DMD: variants seen among roughly 807,000 people sequenced by gnomAD.
The protein encoded by DMD is mutant dystrophin.
A neutral mutation model predicts 330.1 loss-of-function variants in DMD; 63 were observed. The ratio of observed to expected loss-of-function variants is 0.19; its 90% CI spans 0.16 to 0.24. The LOEUF (loss-of-function observed/expected upper bound fraction) is 0.24. DMD is among the 10% of genes least tolerant of loss of function. DMD has a pLI of 1.00. For synonymous variants in DMD, 1,223 were observed against 959.8 expected, an observed-to-expected ratio of 1.27 and a Z score of -5.07; for missense variants, 3,344 against 2,684.1, an observed-to-expected ratio of 1.25 and a Z score of -5.43.
At chrX:32,420,002 C>A (rs1395582461) in intron 29 of DMD, among the ~76,000 whole-genome samples, 2 of 111,583 alleles carry the variant, frequency 1.8e-5, no homozygotes, top group East Asian at 5.6e-4. Context: ...CTGACAGGAG[C>A]AAACTGATGC....
chrX:32,598,465 A>T (rs1323694203), intron 12 of DMD, among the ~76,000 whole-genome samples: 1 of 112,075 alleles, frequency 8.9e-6, no homozygotes, highest in South Asian at 3.7e-4. Context: ...CCAGTGTATC[A>T]TAAGTTGGTT....
rs183636882 is a variant in DMD, at chrX:32,482,177, C to T, written c.2803+2742G>A. Among the ~76,000 whole-genome samples, 605 of 111,235 alleles carry T rather than the reference C, an allele frequency of 5.4e-3. 9 individuals carry two copies. The highest frequency in any genetic ancestry group is 0.018 in the African/African-American group (538 of 30,733). ...TTAAGAAATAAGGTTTCATTTTTTT[C>T]TTTGTTGAAACAATTATCTACAACA... On this transcript the variant is annotated intron_variant, in intron 21 of 78. Coordinates refer to ENST00000357033, the MANE Select transcript of DMD (RefSeq NM_004006.3).
At chrX:31,674,729 A>C (rs1418155728) in intron 53 of DMD, among the ~76,000 whole-genome samples, 1 of 112,819 alleles carries the variant, frequency 8.9e-6, no homozygotes, top group Non-Finnish European at 1.9e-5. Flanking sequence ...TGGAAAAGAA[A>C]GTTTAAAACG....
chrX:32,593,058 C>A (rs1228852727), intron 13 of DMD, among the ~76,000 whole-genome samples: 1 of 112,802 alleles, frequency 8.9e-6, no homozygotes, highest in East Asian at 2.8e-4. Context: ...TTGCCCTTGG[C>A]AGGCATGGGG....
At chrX:31,384,569 C>A in intron 60 of DMD, among the ~76,000 whole-genome samples, 1 of 111,732 alleles carries the variant, frequency 8.9e-6, no homozygotes, top group Non-Finnish European at 1.9e-5. Context: ...TGAAACAAGT[C>A]TAAATTGTGC....
In DMD at chrX:32,717,050, A is replaced by G. The variant is rs146704021; in HGVS notation, c.650-17757T>C. Among the ~76,000 whole-genome samples the G allele has an allele frequency of 3.4e-3, 376 of 111,206 alleles. 3 individuals carry two copies. The highest frequency in any genetic ancestry group is 0.032 in the Middle Eastern group (7 of 217). On this transcript the variant is annotated intron_variant, in intron 7 of 78. Transcript: ENST00000357033. ...AGGGAAGCAGAGCATAAAAGTTTAG[A>G]AAATTTGCAGCCTGACCATGTGGTA...
At chrX:31,264,085 C>CT (rs778331829) in intron 62 of DMD, among the ~76,000 whole-genome samples, 1 of 112,292 alleles carries the variant, frequency 8.9e-6, no homozygotes, top group South Asian at 3.7e-4. Flanking sequence ...TAACTCATAT[C>CT]TATCTTGTAC....
intron 47 of DMD, among the ~76,000 whole-genome samples, chrX:31,912,689 G>T (rs2094561807): frequency 9.0e-6 from 1 of 111,364 alleles, no homozygotes; most frequent in Admixed American, 9.5e-5. Flanking sequence ...CATTTTTGTA[G>T]GGCCATTTTT....
Position 32,491,396 on chromosome X carries a change from A to G in DMD, c.2503T>C (p.Phe835Leu), listed in dbSNP as rs774020237. The G allele has an allele frequency of 6.6e-6, 8 of 1,211,692 alleles. No homozygotes were observed. The South Asian group carries it at 1.4e-4, about 21-fold the overall frequency. ...WLEYQNNIIAFYNQLQQLEQM... is the reference protein window; with the variant it reads ...WLEYQNNIIALYNQLQQLEQM... ...TCCAATTGTTGTAGCTGATTATAGA[A>G]AGCGATGATGTTGTTCTGATACTCC... The change falls in exon 20 of 79, where the codon TTC becomes CTC. Residue 835 changes from phenylalanine to leucine, a missense_variant. Phe to Leu is a conservative substitution (Grantham distance 22). Coordinates refer to ENST00000357033, the MANE Select transcript of DMD (RefSeq NM_004006.3).
At chrX:31,203,473 CAG>C (rs767393619) in intron 67 of DMD, among the ~76,000 whole-genome samples, 1 of 109,450 alleles carries the variant, frequency 9.1e-6, no homozygotes, top group South Asian at 4.1e-4. Flanking sequence ...TGGACATTAG[CAG>C]AGAGTATACA....
intron 1 of DMD, among the ~76,000 whole-genome samples, chrX:33,045,867 C>T (rs910353013): frequency 9.0e-6 from 1 of 111,337 alleles, no homozygotes; most frequent in Non-Finnish European, 1.9e-5. Flanking sequence ...TAACATGTGT[C>T]GGTGCTTGAG....
intron 60 of DMD, among the ~76,000 whole-genome samples, chrX:31,410,388 T>C (rs190565609): frequency 9.0e-6 from 1 of 111,652 alleles, no homozygotes; most frequent in African/African-American, 3.3e-5. Context: ...ATTTAAGGAG[T>C]TGTTCATTAT....
At chrX:31,606,085 G>A (rs139845663) in intron 55 of DMD, among the ~76,000 whole-genome samples, 33 of 111,075 alleles carry the variant, frequency 3.0e-4, no homozygotes, top group African/African-American at 9.2e-4. Flanking sequence ...CTGTTCTCAT[G>A]ATAGCGGGAT....
intron 1 of DMD, among the ~76,000 whole-genome samples, chrX:33,307,662 C>T (rs1470302656): frequency 9.0e-6 from 1 of 111,431 alleles, no homozygotes; most frequent in African/African-American, 3.3e-5. Context: ...GCACTCCGGC[C>T]TGGGTGACAG....
intron 1 of DMD, among the ~76,000 whole-genome samples, chrX:33,248,105 G>A (rs1207994188): frequency 9.0e-6 from 1 of 110,871 alleles, no homozygotes; most frequent in Non-Finnish European, 1.9e-5. Context: ...GCGGTGGCGC[G>A]ATCTCAGCTC....
intron 45 of DMD, among the ~76,000 whole-genome samples, chrX:31,948,821 A>T (rs961264677): frequency 8.9e-6 from 1 of 111,942 alleles, no homozygotes; most frequent in Non-Finnish European, 1.9e-5. Context: ...CTATTGGATT[A>T]TCTTGTCACC....
chrX:31,844,249 G>A (rs890319346), intron 48 of DMD, among the ~76,000 whole-genome samples: 2 of 110,210 alleles, frequency 1.8e-5, no homozygotes, highest in Admixed American at 9.7e-5. Context: ...CTCTGGATAC[G>A]GTTAGCCAGC....
intron 44 of DMD, among the ~76,000 whole-genome samples, chrX:32,010,469 C>A (rs1047522337): frequency 1.8e-5 from 2 of 111,544 alleles, no homozygotes; most frequent in African/African-American, 3.3e-5. Context: ...CATTTACCAG[C>A]AAACCACTGT....
rs772860185 is a variant in DMD at position 31,885,508 on chromosome X, G to T, written c.6913-10135C>A. Reference sequence around the variant, plus strand: ...ACCTGTAGTCCCAGCTACTCTGGAGGCTGAGGCAGGAGAATGGTGTGAACT... The same window carrying T: ...ACCTGTAGTCCCAGCTACTCTGGAGTCTGAGGCAGGAGAATGGTGTGAACT... On this transcript the variant is annotated intron_variant, in intron 47 of 78. Coordinates refer to ENST00000357033, the MANE Select transcript of DMD (RefSeq NM_004006.3). 4.7e-3 allele frequency among the ~76,000 whole-genome samples: 511 copies of T among 108,147 alleles called. 7 individuals carry two copies. The highest frequency in any genetic ancestry group is 0.016 in the African/African-American group (459 of 29,608). The allele number at this position is 108,147 out of a possible 115,157, so 93.9% of individuals were successfully genotyped here. A position where few individuals can be genotyped will look rare whatever the true frequency, so the allele number is the denominator to read the frequency against.
Sources: allele counts gnomAD v4.1 joint callset (sites outside exome capture counted in the v4.1 genomes callset), GRCh38; gene constraint gnomAD v4.1.1; transcripts MANE v1.5; gene names NCBI Gene and HGNC (gene_info 2026-07-23, HGNC 2026-07-21).